PLCL2: variants seen among roughly 807,000 people sequenced by gnomAD.
PLCL2 encodes the protein inactive phospholipase C-like protein 2.
PLCL2 carries 4 observed loss-of-function variants against 79.6 expected under a neutral mutation model. The ratio of observed to expected loss-of-function variants is 0.05; its 90% CI spans 0.02 to 0.11. The LOEUF (loss-of-function observed/expected upper bound fraction) is 0.11. Ranked by LOEUF, PLCL2 falls within the 10% of genes least tolerant of loss-of-function variation. The pLI, the probability that PLCL2 is intolerant of heterozygous loss-of-function variation, is 1.00. For missense variants in PLCL2, 895 were observed against 1,291.0 expected (o/e 0.69, Z 4.70); for synonymous variants, 484 against 457.7 (o/e 1.06, Z -0.73).
intron 3 of PLCL2, chr3:17,035,823 G>A (rs1405342117): frequency 2.0e-6 from 1 of 508,046 alleles, no homozygotes; most frequent in Non-Finnish European, 3.9e-6. Context: ...ATGATTTCAA[G>A]TCCTGGCCTT....
intron 1 of PLCL2, among the ~76,000 whole-genome samples, chr3:16,997,210 A>G (rs549664626): frequency 5.0e-4 from 76 of 152,348 alleles, no homozygotes; most frequent in African/African-American, 1.7e-3. Flanking sequence ...TGGTCCGGCC[A>G]GAGGCTATAG....
intron 1 of PLCL2, among the ~76,000 whole-genome samples, chr3:17,005,456 T>C (rs559868671): frequency 9.8e-4 from 150 of 152,358 alleles, no homozygotes; most frequent in Non-Finnish European, 1.9e-3. Context: ...GTAATTTTAG[T>C]GGCCTCCTAT....
At chr3:16,927,929 C>T (rs965009484) in intron 1 of PLCL2, among the ~76,000 whole-genome samples, 1 of 152,194 alleles carries the variant, frequency 6.6e-6, no homozygotes, top group African/African-American at 2.4e-5. Context: ...TGCCAAGAGG[C>T]GAACATGCAG....
chr3:17,012,576 A>G (rs528650064), intron 2 of PLCL2, among the ~76,000 whole-genome samples: 6 of 152,366 alleles, frequency 3.9e-5, no homozygotes, highest in Admixed American at 3.3e-4. Context: ...TTTCTTACGA[A>G]GCTGTAATGC....
intron 1 of PLCL2, 82 bp downstream of exon 1, chr3:16,885,448 G>C (rs1295855700): frequency 1.9e-6 from 1 of 524,790 alleles, no homozygotes; most frequent in African/African-American, 2.0e-5. Context: ...GTGGTGGAAG[G>C]AGGAAGCCCA....
At chr3:17,058,361 G>T (rs1303626039) in intron 4 of PLCL2, among the ~76,000 whole-genome samples, 1 of 152,194 alleles carries the variant, frequency 6.6e-6, no homozygotes. Context: ...TAGACTGCAT[G>T]TAAAAGAATT....
intron 3 of PLCL2, among the ~76,000 whole-genome samples, chr3:17,024,576 C>T (rs368235043): frequency 2.8e-4 from 42 of 152,192 alleles, no homozygotes; most frequent in Admixed American, 1.0e-3. Context: ...TTGTGATTGT[C>T]CTCTTTGTGG....
intron 1 of PLCL2, among the ~76,000 whole-genome samples, chr3:17,002,453 G>A (rs1358817561): frequency 6.6e-6 from 1 of 152,096 alleles, no homozygotes; most frequent in Non-Finnish European, 1.5e-5. Context: ...GATCTTAGAG[G>A]AAAGACTTTG....
At chr3:17,036,656 A>C (rs1308965324) in intron 3 of PLCL2, among the ~76,000 whole-genome samples, 2 of 152,224 alleles carry the variant, frequency 1.3e-5, no homozygotes, top group African/African-American at 2.4e-5. Flanking sequence ...TAGTGAACTA[A>C]CTGGCTTTGC....
At chr3:17,018,716 G>A (rs932847320) in intron 3 of PLCL2, among the ~76,000 whole-genome samples, 62 of 152,240 alleles carry the variant, frequency 4.1e-4, no homozygotes, top group African/African-American at 1.4e-3. Flanking sequence ...GTCACGTTTG[G>A]TTGTTTTGAA....
chr3:16,934,996 G>A (rs987106962), intron 1 of PLCL2, among the ~76,000 whole-genome samples: 1 of 152,212 alleles, frequency 6.6e-6, no homozygotes, highest in African/African-American at 2.4e-5. Context: ...TTTCAATAAT[G>A]TAGTCAAATT....
chr3:17,070,146 C>T (rs536883012), intron 5 of PLCL2, among the ~76,000 whole-genome samples: 43 of 152,306 alleles, frequency 2.8e-4, no homozygotes, highest in African/African-American at 1.0e-3. Flanking sequence ...CGGGAACCAG[C>T]AACCTGGGCC....
chr3:16,974,177 A>G (rs1194632550), intron 1 of PLCL2, among the ~76,000 whole-genome samples: 1 of 152,018 alleles, frequency 6.6e-6, no homozygotes, highest in Non-Finnish European at 1.5e-5. Context: ...CCTTGCAGGG[A>G]CTTGTGGGCC....
chr3:16,946,222 G>A (rs1049484694), intron 1 of PLCL2, among the ~76,000 whole-genome samples: 4 of 152,108 alleles, frequency 2.6e-5, no homozygotes, highest in African/African-American at 9.7e-5. Flanking sequence ...AGCGGGAAAT[G>A]AGAAGCAAAA....
At chr3:16,945,939 C>T (rs1328402329) in intron 1 of PLCL2, among the ~76,000 whole-genome samples, 1 of 152,192 alleles carries the variant, frequency 6.6e-6, no homozygotes, top group Admixed American at 6.5e-5. Flanking sequence ...AGAGTTATGT[C>T]ATACGTTTCA....
At position 17,072,979 on chromosome 3, in the gene PLCL2, G is replaced by A. The variant is rs574971609; in HGVS notation, c.3204+4914G>A. On this transcript the variant is annotated intron_variant, in intron 5 of 5. Transcript: ENST00000615277. ...AGTTTGTAAAATGTCCTGTTCTAGGGTTTCTGCTGCAAACTAGGGAGAGGG... is the reference window on the plus strand; with the variant it reads ...AGTTTGTAAAATGTCCTGTTCTAGGATTTCTGCTGCAAACTAGGGAGAGGG... Among the ~76,000 whole-genome samples the A allele has an allele frequency of 3.9e-5, 6 of 152,264 alleles. No individual in the cohort carries two copies. In the South Asian group the frequency reaches 6.2e-4, roughly 16 times the overall value.
Position 16,978,352 on chromosome 3 carries a change from C to T in PLCL2, c.328-31322C>T, listed in dbSNP as rs139843593. The stretch of plus-strand genomic sequence containing the variant: ...ATGTATCTGTGGTCCTCAATTTCAT[C>T]AACACTCACAAGCTGAGTAAGATGC... On this transcript the variant is annotated intron_variant, in intron 1 of 5. Transcript: ENST00000615277. Among the ~76,000 whole-genome samples the T allele has an allele frequency of 9.2e-5, 14 of 152,312 alleles. No individual in the cohort carries two copies. The East Asian group carries it at 2.7e-3, about 29-fold the overall frequency.
chr3:17,053,069 T>C (rs10865746), intron 4 of PLCL2, among the ~76,000 whole-genome samples: 90,011 of 151,940 alleles, frequency 0.59, 27,115 homozygotes, highest in African/African-American at 0.7. Flanking sequence ...AATGGAAACC[T>C]GAGAGCCTTA....
intron 1 of PLCL2, among the ~76,000 whole-genome samples, chr3:16,903,905 T>TG (rs1559481474): frequency 6.6e-6 from 1 of 152,248 alleles, no homozygotes; most frequent in African/African-American, 2.4e-5. Flanking sequence ...AGCCTGCACC[T>TG]GGGTGAGCCC....
Sources: allele counts gnomAD v4.1 joint callset (sites outside exome capture counted in the v4.1 genomes callset), GRCh38; gene constraint gnomAD v4.1.1; transcripts MANE v1.5; gene names NCBI Gene and HGNC (gene_info 2026-07-23, HGNC 2026-07-21).